The following MAGI1 variants were observed in gnomAD, a reference collection of about 807,000 sequenced individuals.
MAGI1 encodes the protein membrane associated guanylate kinase, WW and PDZ domain containing 1.
Under a neutral mutation model 139.9 loss-of-function variants are expected in MAGI1, and 58 were observed. The ratio of observed to expected loss-of-function variants is 0.41; its 90% confidence interval spans 0.34 to 0.52. The LOEUF (loss-of-function observed/expected upper bound fraction) is 0.52. MAGI1 is among the 20% of genes least tolerant of loss of function. The probability of loss-of-function intolerance (pLI) is 0.12; values close to 1 mark genes in which losing one functional copy is unlikely to be tolerated. For missense variants in MAGI1, 1,874 were observed against 1,901.6 expected (o/e 0.99, Z 0.27); for synonymous variants, 812 against 737.9 (o/e 1.10, Z -1.63).
At chr3:65,822,972 A>G (rs1026301525) in intron 1 of MAGI1, among the ~76,000 whole-genome samples, 6 of 152,212 alleles carry the variant, frequency 3.9e-5, no homozygotes, top group Non-Finnish European at 8.8e-5. Flanking sequence ...TCACCAACCA[A>G]ATACAATGTG....
chr3:65,626,346 A>T (rs1204714795), intron 1 of MAGI1, among the ~76,000 whole-genome samples: 1 of 152,094 alleles, frequency 6.6e-6, no homozygotes, highest in East Asian at 1.9e-4. Flanking sequence ...TTTTTTGGAG[A>T]CAGAGTCTTA....
At chr3:65,607,716 T>A (rs1267766111) in intron 2 of MAGI1, among the ~76,000 whole-genome samples, 1 of 152,196 alleles carries the variant, frequency 6.6e-6, no homozygotes, top group Non-Finnish European at 1.5e-5. Flanking sequence ...TTTTGGAAAC[T>A]CACTTCTGGT....
intron 3 of MAGI1, among the ~76,000 whole-genome samples, chr3:65,484,922 TCTAGACTATAAA>T (rs1951534881): frequency 6.6e-6 from 1 of 152,170 alleles, no homozygotes; most frequent in Non-Finnish European, 1.5e-5. Flanking sequence ...TGTCTTCACC[TCTAGACTATAAA>T]CTCAAAGAGG....
chr3:65,366,024 T>C (rs534266008), intron 18 of MAGI1, among the ~76,000 whole-genome samples: 10 of 152,254 alleles, frequency 6.6e-5, no homozygotes, highest in African/African-American at 1.2e-4. Context: ...TCATGACACA[T>C]AGTGGTTAAA....
chr3:65,911,753 C>T (rs1329251009), intron 1 of MAGI1, among the ~76,000 whole-genome samples: 1 of 152,206 alleles, frequency 6.6e-6, no homozygotes, highest in African/African-American at 2.4e-5. Context: ...ATTACCAAAT[C>T]ATACTTTTAT....
intron 3 of MAGI1, among the ~76,000 whole-genome samples, chr3:65,480,531 T>A (rs576011448): frequency 7.4e-6 from 1 of 134,430 alleles, no homozygotes; most frequent in Non-Finnish European, 1.6e-5. Flanking sequence ...CTAGATCCTA[T>A]CTCAAAAAAA....
At chr3:65,597,176 C>G (rs924676502) in intron 2 of MAGI1, among the ~76,000 whole-genome samples, 17 of 151,710 alleles carry the variant, frequency 1.1e-4, no homozygotes, top group African/African-American at 3.6e-4. Context: ...ATTTTTCCCC[C>G]CTCCCTTCCC....
intron 1 of MAGI1, among the ~76,000 whole-genome samples, chr3:65,659,921 C>G (rs1383230035): frequency 6.6e-6 from 1 of 152,152 alleles, no homozygotes; most frequent in African/African-American, 2.4e-5. Flanking sequence ...GTTACAATCT[C>G]TCTGTGCTAA....
chr3:65,793,729 C>A (rs746633262), intron 1 of MAGI1, among the ~76,000 whole-genome samples: 6 of 152,200 alleles, frequency 3.9e-5, no homozygotes, highest in Non-Finnish European at 7.3e-5. Flanking sequence ...ATTTCCAGGA[C>A]AGTCTGTCCA....
rs144302721 is a variant in MAGI1 at position 65,912,675 on chromosome 3, C to T, written c.313+125321G>A. Among the ~76,000 whole-genome samples the T allele has an allele frequency of 4.5e-3, 680 of 152,202 alleles. 9 individuals are homozygous for T. Among genetic ancestry groups the T allele is most frequent in the African/African-American group, 0.015 (641 of 41,512 alleles). On this transcript the variant is annotated intron_variant, in intron 1 of 22. Coordinates refer to ENST00000402939, the MANE Select transcript of MAGI1 (RefSeq NM_001033057.2). ...ATCTCTTAGGACCAGCTTCCTTAAT[C>T]AAATGTGAAAATAAGGATTCTTTTT...
intron 1 of MAGI1, among the ~76,000 whole-genome samples, chr3:65,665,680 C>T (rs967357590): frequency 1.3e-5 from 2 of 152,134 alleles, no homozygotes; most frequent in African/African-American, 2.4e-5. Context: ...CCTTATACAA[C>T]ATAACTACAC....
chr3:65,981,280 C>T (rs2065567584), intron 1 of MAGI1, among the ~76,000 whole-genome samples: 1 of 152,084 alleles, frequency 6.6e-6, no homozygotes, highest in Non-Finnish European at 1.5e-5. Context: ...CACTGTAGAA[C>T]ATTTTAAACA....
intron 1 of MAGI1, among the ~76,000 whole-genome samples, chr3:65,915,454 G>A (rs1560008865): frequency 1.3e-5 from 2 of 152,252 alleles, no homozygotes; most frequent in Middle Eastern, 6.8e-3. Context: ...CAGATGATCT[G>A]CACACTTGCC....
At chr3:65,470,588 T>A in intron 4 of MAGI1, 104 bp from the exon 5 acceptor site, 1 of 672,832 alleles carries the variant, frequency 1.5e-6, no homozygotes, top group East Asian at 2.5e-5. Flanking sequence ...TATACACATC[T>A]ATATTCTTAA....
chr3:65,755,279 T>A (rs2036478721), intron 1 of MAGI1, among the ~76,000 whole-genome samples: 1 of 152,160 alleles, frequency 6.6e-6, no homozygotes. Context: ...TATCAGCTAA[T>A]GTTTACAATT....
chr3:65,594,108 G>A (rs138828288), intron 2 of MAGI1, among the ~76,000 whole-genome samples: 196 of 152,182 alleles, frequency 1.3e-3, no homozygotes, highest in Middle Eastern at 0.01. Flanking sequence ...GATGTCAACC[G>A]CCATGGATGA....
chr3:65,427,217 C>T (rs967555482), intron 12 of MAGI1, among the ~76,000 whole-genome samples: 1 of 152,054 alleles, frequency 6.6e-6, no homozygotes, highest in Non-Finnish European at 1.5e-5. Context: ...GGGGCTAAGG[C>T]AGGAAGATCG....
chr3:65,472,769 G>A (rs1276870687), intron 4 of MAGI1, among the ~76,000 whole-genome samples: 1 of 152,202 alleles, frequency 6.6e-6, no homozygotes, highest in Non-Finnish European at 1.5e-5. Context: ...GACAGTTTGT[G>A]CCCTGGAGGA....
intron 2 of MAGI1, among the ~76,000 whole-genome samples, chr3:65,585,840 T>A (rs1302472893): frequency 1.3e-5 from 2 of 152,176 alleles, no homozygotes; most frequent in African/African-American, 2.4e-5. Context: ...AACTGGTGAA[T>A]GGCTACACAT....
Sources: gnomAD v4.1 joint callset for allele counts (sites outside exome capture counted in the v4.1 genomes callset) on GRCh38, gnomAD v4.1.1 for gene constraint, MANE v1.5 for transcripts, NCBI Gene and HGNC (gene_info 2026-07-23, HGNC 2026-07-21) for gene names.